Variants in TDRD3 observed in about 807,000 individuals in gnomAD.
TDRD3 encodes the protein tudor domain containing 3, also known as tudor domain-containing protein 3.
A neutral mutation model predicts 86.7 loss-of-function variants in TDRD3; 45 were observed. The observed-to-expected ratio is 0.52, with a 90% CI of 0.41 to 0.67. TDRD3 has a LOEUF of 0.67. TDRD3 is among the 30% of genes least tolerant of loss of function. The pLI is 0.00. For synonymous variants in TDRD3, 298 were observed against 301.7 expected (o/e 0.99, Z 0.13); for missense variants, 814 against 889.0 (o/e 0.92, Z 1.07).
rs966811489 is a variant in TDRD3 at position 60,473,350 on chromosome 13, C to G, written c.495+5971C>G. On this transcript the variant is annotated intron_variant, in intron 5 of 13. Transcript: ENST00000377881. Reference sequence around the variant, plus strand: ...CTTAACACTGTTACAATGGCAATTACATTTCAATATAAGTTTTGGAGAGAC... The same window carrying G: ...CTTAACACTGTTACAATGGCAATTAGATTTCAATATAAGTTTTGGAGAGAC... Among the ~76,000 whole-genome samples, 3 of 152,212 alleles carry G rather than the reference C, an allele frequency of 2.0e-5. No individual in the cohort carries two copies. The East Asian group carries it at 5.8e-4, about 29-fold the overall frequency.
intron 1 of TDRD3, among the ~76,000 whole-genome samples, chr13:60,426,712 T>G (rs1027266116): frequency 2.0e-5 from 3 of 152,122 alleles, no homozygotes; most frequent in Admixed American, 6.5e-5. Flanking sequence ...GAGAGATTAC[T>G]CCATAAAAGC....
At chr13:60,510,008 G>A (rs1957023638) in intron 9 of TDRD3, 89 bp downstream of exon 9, 1 of 1,472,132 alleles carries the variant, frequency 6.8e-7, no homozygotes, top group Admixed American at 2.3e-5. Flanking sequence ...TTCTGTGAGG[G>A]CTGTAATTTT....
upstream of TDRD3, among the ~76,000 whole-genome samples, chr13:60,395,804 TG>T (rs1488405835): frequency 2.0e-5 from 3 of 152,136 alleles, no homozygotes; most frequent in Admixed American, 6.5e-5. Flanking sequence ...TGATGGCCGA[TG>T]ACTATAAATT....
intron 5 of TDRD3, among the ~76,000 whole-genome samples, chr13:60,472,933 G>A (rs1202317034): frequency 6.6e-6 from 1 of 152,074 alleles, no homozygotes; most frequent in Non-Finnish European, 1.5e-5. Flanking sequence ...TACTTTTAAT[G>A]GAATTCAGTA....
chr13:60,477,939 T>C lies in TDRD3; in HGVS notation c.496-5836T>C, dbSNP rs548218528. ...CTTGATATTTATGGAACAGTTTCGG[T>C]AGGATTGGTATCAGTTCTTCTTTGT... On this transcript the variant is annotated intron_variant, in intron 5 of 13. Transcript: ENST00000377881. Among the ~76,000 whole-genome samples, 23 of 152,324 alleles carry C rather than the reference T, an allele frequency of 1.5e-4. No individual in the cohort carries two copies. The East Asian group carries it at 4.2e-3, about 28-fold the overall frequency.
At position 60,564,102 on chromosome 13, in the gene TDRD3, T is replaced by C. The variant is rs572536019; in HGVS notation, c.2119-3423T>C. ...GTAAATATTAGTATAAAAGCTCATA[T>C]TGAGTATTAGTTATTTAGTTTTATA... On this transcript the variant is annotated intron_variant, in intron 12 of 13. Transcript: ENST00000377881. Among the ~76,000 whole-genome samples the C allele has an allele frequency of 6.6e-5, 10 of 152,304 alleles. No individual in the cohort carries two copies. In the East Asian group the frequency reaches 1.7e-3, roughly 26 times the overall value.
chr13:60,508,409 A>G (rs564445172), intron 8 of TDRD3, among the ~76,000 whole-genome samples: 1 of 152,336 alleles, frequency 6.6e-6, no homozygotes, highest in East Asian at 1.9e-4. Flanking sequence ...TGATATTGGT[A>G]CCAAAACAAA....
At chr13:60,410,523 GCAACC>G (rs1191732361) in intron 1 of TDRD3, among the ~76,000 whole-genome samples, 1 of 152,172 alleles carries the variant, frequency 6.6e-6, no homozygotes, top group African/African-American at 2.4e-5. Context: ...GCAAGTACTG[GCAACC>G]CTTTGTGTCT....
intron 10 of TDRD3, among the ~76,000 whole-genome samples, chr13:60,512,371 G>A (rs748671261): frequency 5.3e-5 from 8 of 151,592 alleles, no homozygotes; most frequent in Non-Finnish European, 7.4e-5. Flanking sequence ...AAACCATATC[G>A]TTCCACCCCC....
chr13:60,484,497 G>T (rs1956385418), intron 6 of TDRD3, among the ~76,000 whole-genome samples: 1 of 152,040 alleles, frequency 6.6e-6, no homozygotes, highest in Non-Finnish European at 1.5e-5. Context: ...TAACAGGTAG[G>T]CAACAGATCT....
At chr13:60,543,534 G>A (rs1172857683) in intron 12 of TDRD3, among the ~76,000 whole-genome samples, 1 of 152,058 alleles carries the variant, frequency 6.6e-6, no homozygotes, top group Non-Finnish European at 1.5e-5. Flanking sequence ...ATGTCTACAG[G>A]AAATACTTGG....
At chr13:60,551,027 T>C (rs1215481686) in intron 12 of TDRD3, among the ~76,000 whole-genome samples, 1 of 152,184 alleles carries the variant, frequency 6.6e-6, no homozygotes, top group Non-Finnish European at 1.5e-5. Context: ...GTAAGAACTA[T>C]AGCATATAAA....
chr13:60,547,000 T>C (rs1403539359), intron 12 of TDRD3, among the ~76,000 whole-genome samples: 1 of 152,166 alleles, frequency 6.6e-6, no homozygotes, highest in African/African-American at 2.4e-5. Flanking sequence ...TGTCTTAATA[T>C]TTTTAATAGA....
intron 10 of TDRD3, among the ~76,000 whole-genome samples, chr13:60,512,432 G>A (rs764002857): frequency 6.6e-6 from 1 of 151,920 alleles, no homozygotes; most frequent in Non-Finnish European, 1.5e-5. Flanking sequence ...TCATGCCTTC[G>A]CAACAGTCCG....
chr13:60,474,982 A>G (rs955597072), intron 5 of TDRD3, among the ~76,000 whole-genome samples: 2 of 151,834 alleles, frequency 1.3e-5, no homozygotes, highest in African/African-American at 4.8e-5. Flanking sequence ...TAAGGACATC[A>G]TCTCATTGTC....
intron 2 of TDRD3, among the ~76,000 whole-genome samples, chr13:60,444,145 A>T (rs1240679454): frequency 3.3e-5 from 5 of 151,950 alleles, no homozygotes; most frequent in African/African-American, 1.2e-4. Flanking sequence ...AACTTGTTTA[A>T]GCAAATGAAA....
At chr13:60,555,852 C>CTTT (rs35001150) in intron 12 of TDRD3, among the ~76,000 whole-genome samples, 10 of 140,498 alleles carry the variant, frequency 7.1e-5, no homozygotes, top group African/African-American at 2.4e-4. Flanking sequence ...CTATTTCTTT[C>CTTT]TTTTTTTTTT....
chr13:60,497,358 C>A (rs1352661642), intron 8 of TDRD3, among the ~76,000 whole-genome samples: 1 of 152,190 alleles, frequency 6.6e-6, no homozygotes, highest in African/African-American at 2.4e-5. Context: ...GTCCCTCCCC[C>A]TGTGCTCTCA....
At chr13:60,556,067 C>T (rs1041636278) in intron 12 of TDRD3, among the ~76,000 whole-genome samples, 3 of 152,044 alleles carry the variant, frequency 2.0e-5, no homozygotes, top group Admixed American at 6.6e-5. Flanking sequence ...AGGATGGTCT[C>T]GATCTCCTGA....
Sources: gnomAD v4.1 joint callset for allele counts (sites outside exome capture counted in the v4.1 genomes callset) on GRCh38, gnomAD v4.1.1 for gene constraint, MANE v1.5 for transcripts, NCBI Gene and HGNC (gene_info 2026-07-23, HGNC 2026-07-21) for gene names.